Variants in DOCK4 observed in about 807,000 individuals in gnomAD.
The protein encoded by DOCK4 is dedicator of cytokinesis protein 4.
DOCK4 carries 97 observed loss-of-function variants against 268.1 expected under a neutral mutation model. The observed-to-expected ratio is 0.36, with a 90% CI of 0.31 to 0.43. The LOEUF is 0.43. Ranked by LOEUF, DOCK4 falls within the 20% of genes least tolerant of loss-of-function variation. DOCK4 has a pLI of 1.00. For missense variants in DOCK4, 2,145 were observed against 2,455.7 expected (o/e 0.87, Z 2.67); for synonymous variants, 954 against 887.2 (o/e 1.08, Z -1.34).
intron 12 of DOCK4, chr7:111,935,233 C>T: frequency 5.3e-6 from 2 of 376,472 alleles, no homozygotes; most frequent in Non-Finnish European, 1.0e-5. Flanking sequence ...CAGGCGTGAG[C>T]CACCGTGCCT....
intron 16 of DOCK4, among the ~76,000 whole-genome samples, chr7:111,882,834 C>T (rs1343539930): frequency 2.6e-5 from 4 of 152,140 alleles, no homozygotes; most frequent in Non-Finnish European, 2.9e-5. Context: ...GTCTCGAACT[C>T]CTGACCTCAG....
At chr7:112,045,214 C>T (rs776149330) in intron 1 of DOCK4, among the ~76,000 whole-genome samples, 1 of 152,110 alleles carries the variant, frequency 6.6e-6, no homozygotes, top group Non-Finnish European at 1.5e-5. Flanking sequence ...TTTATATCTG[C>T]CTCTGTTTAG....
intron 39 of DOCK4, 149 bp from the exon 40 acceptor site, chr7:111,760,471 G>T: frequency 1.2e-6 from 1 of 828,842 alleles, no homozygotes; most frequent in Non-Finnish European, 1.9e-6. Flanking sequence ...TGAAAAGTTT[G>T]CCCAATTGTT....
intron 7 of DOCK4, 36 bp from the exon 8 acceptor site, chr7:111,977,319 T>G: frequency 6.4e-7 from 1 of 1,571,478 alleles, no homozygotes. Flanking sequence ...ATGATCAGCA[T>G]GGACTGAAGG....
chr7:111,828,142 A>G (rs1358446534), intron 26 of DOCK4, among the ~76,000 whole-genome samples: 1 of 152,216 alleles, frequency 6.6e-6, no homozygotes, highest in East Asian at 1.9e-4. Context: ...GAGGAAAAAA[A>G]TCTTGATCAC....
chr7:111,840,214 AT>A (rs1803573557), intron 25 of DOCK4, among the ~76,000 whole-genome samples: 1 of 152,162 alleles, frequency 6.6e-6, no homozygotes, highest in Admixed American at 6.5e-5. Context: ...CACATACATT[AT>A]TTTTTTCCAC....
At chr7:111,791,003 A>G (rs2133805764) in intron 30 of DOCK4, among the ~76,000 whole-genome samples, 1 of 148,706 alleles carries the variant, frequency 6.7e-6, no homozygotes, top group East Asian at 2.0e-4. Flanking sequence ...GCTTGCAGTG[A>G]GCCAAGATCG....
At chr7:111,877,761 C>T (rs1256969347) in intron 16 of DOCK4, among the ~76,000 whole-genome samples, 2 of 152,136 alleles carry the variant, frequency 1.3e-5, no homozygotes, top group South Asian at 2.1e-4. Flanking sequence ...AAAGCAATTA[C>T]AGACTTAGAA....
chr7:111,934,112 C>G (rs1794491313), intron 12 of DOCK4, among the ~76,000 whole-genome samples: 1 of 152,170 alleles, frequency 6.6e-6, no homozygotes, highest in Non-Finnish European at 1.5e-5. Context: ...GTTCAAGAAA[C>G]AGCTTACTTT....
At chr7:111,755,189 A>G (rs1179884069) in intron 42 of DOCK4, among the ~76,000 whole-genome samples, 1 of 152,210 alleles carries the variant, frequency 6.6e-6, no homozygotes, top group East Asian at 1.9e-4. Flanking sequence ...TAGCACTGGT[A>G]TGATACACTA....
Position 111,737,003 on chromosome 7 carries a change from A to G in DOCK4, c.5233-14T>C. The stretch of plus-strand genomic sequence containing the variant: ...AAACAGCATCCTCTGCAAAGTTACA[A>G]GGGTTGATTTTTATGATGTGATATA... On this transcript the variant is annotated splice_polypyrimidine_tract_variant and intron_variant, in intron 49 of 52. Transcript: ENST00000428084. 1 of 1,597,768 alleles carries G rather than the reference A, an allele frequency of 6.3e-7. No individual in the cohort carries two copies. Among genetic ancestry groups the G allele is most frequent in the Non-Finnish European group, 8.5e-7 (1 of 1,171,672 alleles).
At chr7:111,843,499 C>A (rs1803851740) in intron 25 of DOCK4, among the ~76,000 whole-genome samples, 1 of 152,052 alleles carries the variant, frequency 6.6e-6, no homozygotes, top group African/African-American at 2.4e-5. Context: ...TAGGGACATG[C>A]AAATTAAAAC....
Position 111,940,257 on chromosome 7 carries a change from A to G in DOCK4, c.845-15T>C, listed in dbSNP as rs748696735. ...TCCCATTCGACCTGTTCAATTAAAG[A>G]GCAATCATTAACCCATGGAGCCATT... On this transcript the variant is annotated splice_polypyrimidine_tract_variant and intron_variant, in intron 10 of 52. Coordinates refer to ENST00000428084, the MANE Select transcript of DOCK4 (RefSeq NM_001363540.2). 5 of 1,613,994 alleles carry G rather than the reference A, an allele frequency of 3.1e-6. No homozygotes were observed. In the East Asian group the frequency reaches 6.7e-5, roughly 22 times the overall value.
chr7:111,992,186 C>T (rs1422764836), intron 5 of DOCK4, among the ~76,000 whole-genome samples: 1 of 152,098 alleles, frequency 6.6e-6, no homozygotes, highest in Non-Finnish European at 1.5e-5. Flanking sequence ...ACTTTTCAAG[C>T]ATTCACCATG....
chr7:111,814,852 A>AT (rs1300692845), intron 27 of DOCK4, among the ~76,000 whole-genome samples: 1 of 152,212 alleles, frequency 6.6e-6, no homozygotes, highest in Non-Finnish European at 1.5e-5. Flanking sequence ...TTTCGAAAAC[A>AT]TTGAGACCTG....
chr7:111,924,919 G>T (rs1214287671), intron 12 of DOCK4, among the ~76,000 whole-genome samples: 1 of 152,158 alleles, frequency 6.6e-6, no homozygotes, highest in African/African-American at 2.4e-5. Context: ...TGCATACTTT[G>T]TATGTTTGGG....
intron 43 of DOCK4, 97 bp downstream of exon 43, chr7:111,747,168 TGC>T (rs1322111388): frequency 1.6e-4 from 176 of 1,130,918 alleles, no homozygotes; most frequent in Non-Finnish European, 2.0e-4. Flanking sequence ...GCCCTATGTT[TGC>T]GTGCTGATAT....
intron 3 of DOCK4, 28 bp downstream of exon 3, chr7:112,000,465 TA>T (rs1800333725): frequency 6.3e-6 from 8 of 1,267,614 alleles, no homozygotes; most frequent in Non-Finnish European, 7.8e-6. Flanking sequence ...ATAAATTTCA[TA>T]ATTATAGTTA....
At chr7:111,822,297 T>C in intron 27 of DOCK4, 65 bp downstream of exon 27, 1 of 1,356,376 alleles carries the variant, frequency 7.4e-7, no homozygotes, top group Non-Finnish European at 1.0e-6. Context: ...ATGAAAAAGA[T>C]AATTTTGTAC....
Sources: allele counts gnomAD v4.1 joint callset (sites outside exome capture counted in the v4.1 genomes callset), GRCh38; gene constraint gnomAD v4.1.1; transcripts MANE v1.5; gene names NCBI Gene and HGNC (gene_info 2026-07-23, HGNC 2026-07-21).